The following ZFHX3 variants were observed in gnomAD, a reference collection of about 807,000 sequenced individuals.
ZFHX3 encodes the protein zinc finger homeobox protein 3.
ZFHX3 carries 42 observed loss-of-function variants against 279.1 expected under a neutral mutation model. The observed-to-expected ratio is 0.15, with a 90% CI of 0.12 to 0.19. The LOEUF (loss-of-function observed/expected upper bound fraction) is 0.19, where lower values mean the gene tolerates loss of function less well. Ranked by LOEUF, ZFHX3 falls within the 10% of genes least tolerant of loss-of-function variation. The pLI, the probability that ZFHX3 is intolerant of heterozygous loss-of-function variation, is 1.00. For synonymous variants in ZFHX3, 2,293 were observed against 1,957.8 expected (o/e 1.17, Z -4.52); for missense variants, 4,981 against 4,754.0 (o/e 1.05, Z -1.40).
chr16:73,149,087 A>T (rs1966884052), intron 5 of ZFHX3, among the ~76,000 whole-genome samples: 1 of 148,822 alleles, frequency 6.7e-6, no homozygotes, highest in Non-Finnish European at 1.5e-5. Context: ...CATAGTGCTC[A>T]GTAAATGTCA....
intron 5 of ZFHX3, among the ~76,000 whole-genome samples, chr16:73,225,298 A>T (rs770218184): frequency 3.9e-5 from 6 of 152,180 alleles, no homozygotes; most frequent in Non-Finnish European, 8.8e-5. Context: ...ACAGCCCTAT[A>T]GGCTATAAAT....
intron 2 of ZFHX3, among the ~76,000 whole-genome samples, chr16:73,561,037 A>G (rs936334494): frequency 6.6e-6 from 1 of 152,256 alleles, no homozygotes; most frequent in African/African-American, 2.4e-5. Context: ...AATATGTTAA[A>G]ATATTCAGTA....
At chr16:72,872,737 G>A (rs1361341544) in intron 4 of ZFHX3, among the ~76,000 whole-genome samples, 2 of 152,200 alleles carry the variant, frequency 1.3e-5, no homozygotes, top group Admixed American at 1.3e-4. Context: ...CAGATTAGAG[G>A]CATGGGCCAC....
intron 2 of ZFHX3, among the ~76,000 whole-genome samples, chr16:73,606,736 C>T (rs532327266): frequency 2.0e-5 from 3 of 152,250 alleles, no homozygotes; most frequent in Admixed American, 6.5e-5. Context: ...CGCTACTTCC[C>T]GCCCTCCCCT....
chr16:73,026,811 G>A (rs974782702), intron 1 of ZFHX3, among the ~76,000 whole-genome samples: 1 of 152,268 alleles, frequency 6.6e-6, no homozygotes, highest in Non-Finnish European at 1.5e-5. Flanking sequence ...GAATCGCTGG[G>A]GGAGAAGATT....
intron 1 of ZFHX3, among the ~76,000 whole-genome samples, chr16:73,689,587 G>C (rs923682508): frequency 2.0e-5 from 3 of 152,158 alleles, no homozygotes; most frequent in African/African-American, 7.2e-5. Flanking sequence ...GCCTGACTTA[G>C]AGGGAGGGCT....
chr16:72,892,067 A>G (rs2038785998), intron 3 of ZFHX3, among the ~76,000 whole-genome samples: 1 of 152,238 alleles, frequency 6.6e-6, no homozygotes, highest in African/African-American at 2.4e-5. Context: ...ATCAAGGGAC[A>G]CTGCCCTGAC....
chr16:73,322,554 T>C (rs1007013313), intron 3 of ZFHX3, among the ~76,000 whole-genome samples: 2 of 152,186 alleles, frequency 1.3e-5, no homozygotes, highest in African/African-American at 4.8e-5. Flanking sequence ...GTAGGCAGAA[T>C]TGCTCTCGGT....
In ZFHX3 at chr16:73,186,359, T is replaced by C. The variant is rs1261320153; in HGVS notation, c.-1103-42528A>G. ...CTTGGGTCTGTCACACCTTAGGCTG[T>C]GTGATCGTGAATAGAACCCCCCTCA... On this transcript the variant is annotated intron_variant, in intron 5 of 17. Coordinates refer to the ZFHX3 transcript ENST00000641206. 2.0e-5 allele frequency among the ~76,000 whole-genome samples: 3 copies of C among 152,244 alleles called. No homozygotes were observed. The East Asian group carries it at 5.8e-4, about 29-fold the overall frequency.
intron 2 of ZFHX3, among the ~76,000 whole-genome samples, chr16:73,633,025 G>T (rs1454211109): frequency 6.6e-6 from 1 of 152,210 alleles, no homozygotes; most frequent in Non-Finnish European, 1.5e-5. Flanking sequence ...CTTGCAGTGA[G>T]CTGGGATCGC....
At chr16:73,315,957 C>G (rs2015437713) in intron 4 of ZFHX3, among the ~76,000 whole-genome samples, 2 of 152,260 alleles carry the variant, frequency 1.3e-5, no homozygotes, top group South Asian at 2.1e-4. Flanking sequence ...AGACGCATAC[C>G]CATCAGCCTC....
intron 3 of ZFHX3, among the ~76,000 whole-genome samples, chr16:72,928,900 T>C (rs1029832127): frequency 6.6e-6 from 1 of 152,142 alleles, no homozygotes; most frequent in African/African-American, 2.4e-5. Flanking sequence ...AGGTTGAGGC[T>C]GCAGTGAGCT....
At chr16:73,614,672 C>A (rs1172813159) in intron 2 of ZFHX3, among the ~76,000 whole-genome samples, 1 of 152,176 alleles carries the variant, frequency 6.6e-6, no homozygotes, top group Admixed American at 6.5e-5. Context: ...GGAGAAAAGA[C>A]TGGGTAGCCC....
chr16:72,944,594 T>TAAAAAC (rs1960572098), intron 3 of ZFHX3, among the ~76,000 whole-genome samples: 1 of 97,552 alleles, frequency 1.0e-5, no homozygotes, highest in Non-Finnish European at 2.0e-5. Flanking sequence ...AAAATAAAAA[T>TAAAAAC]CCATCACATG....
At chr16:73,293,434 C>T (rs568603350) in intron 4 of ZFHX3, among the ~76,000 whole-genome samples, 1 of 152,218 alleles carries the variant, frequency 6.6e-6, no homozygotes, top group Non-Finnish European at 1.5e-5. Flanking sequence ...TAAATGAAAG[C>T]CAGGAATCAT....
intron 2 of ZFHX3, among the ~76,000 whole-genome samples, chr16:73,484,619 G>A (rs1245102059): frequency 1.3e-5 from 2 of 152,168 alleles, no homozygotes; most frequent in Non-Finnish European, 2.9e-5. Flanking sequence ...ACGGTAGCAG[G>A]GAACTGTGAT....
intron 5 of ZFHX3, among the ~76,000 whole-genome samples, chr16:73,204,226 G>T (rs536685591): frequency 6.6e-6 from 1 of 151,542 alleles, no homozygotes; most frequent in Non-Finnish European, 1.5e-5. Flanking sequence ...GATGAATCAA[G>T]CGCATTACAT....
At chr16:73,142,266 C>T (rs867217867) in intron 6 of ZFHX3, among the ~76,000 whole-genome samples, 22 of 152,182 alleles carry the variant, frequency 1.4e-4, no homozygotes, top group African/African-American at 2.2e-4. Flanking sequence ...GGTTGCCTTA[C>T]GTCATAAGTC....
intron 1 of ZFHX3, among the ~76,000 whole-genome samples, chr16:73,696,766 C>T (rs2053201403): frequency 6.6e-6 from 1 of 152,150 alleles, no homozygotes; most frequent in Admixed American, 6.5e-5. Flanking sequence ...AAAAATCCTT[C>T]CTTAACTTCC....
Sources: gnomAD v4.1 joint callset for allele counts (sites outside exome capture counted in the v4.1 genomes callset) on GRCh38, gnomAD v4.1.1 for gene constraint, MANE v1.5 for transcripts, NCBI Gene and HGNC (gene_info 2026-07-23, HGNC 2026-07-21) for gene names.